Variants in ARHGAP24 observed in about 807,000 individuals in gnomAD.
ARHGAP24 encodes Rho GTPase activating protein 24.
Under a neutral mutation model 76.4 loss-of-function variants are expected in ARHGAP24, and 50 were observed. The ratio of observed to expected loss-of-function variants is 0.65; its 90% confidence interval spans 0.52 to 0.83. ARHGAP24 has a LOEUF of 0.83. Ranked by LOEUF, ARHGAP24 falls within the 40% of genes least tolerant of loss-of-function variation. ARHGAP24 has a pLI of 0.00. For missense variants in ARHGAP24, 930 were observed against 914.2 expected (o/e 1.02, Z -0.22); for synonymous variants, 345 against 323.3 (o/e 1.07, Z -0.72).
chr4:85,841,921 A>G (rs1163681270), intron 3 of ARHGAP24, among the ~76,000 whole-genome samples: 2 of 152,176 alleles, frequency 1.3e-5, no homozygotes, highest in Non-Finnish European at 2.9e-5. Context: ...TGTACCAGCC[A>G]CTGTTCTAAG....
intron 3 of ARHGAP24, chr4:85,722,238 G>A (rs1036999060): frequency 4.8e-6 from 2 of 416,086 alleles, no homozygotes; most frequent in Non-Finnish European, 9.0e-6. Flanking sequence ...TACAGTATTT[G>A]TTCAGGACTA....
chr4:85,900,153 CTA>C (rs1316048742), intron 3 of ARHGAP24, among the ~76,000 whole-genome samples: 1 of 152,128 alleles, frequency 6.6e-6, no homozygotes, highest in African/African-American at 2.4e-5. Context: ...AGATATCTGA[CTA>C]TGTCTACCTG....
intron 1 of ARHGAP24, among the ~76,000 whole-genome samples, chr4:85,476,475 GAAAT>G (rs1255034448): frequency 1.3e-5 from 2 of 151,964 alleles, no homozygotes; most frequent in African/African-American, 4.8e-5. Context: ...TTCTAAAAAG[GAAAT>G]AAATAAATCG....
In ARHGAP24 at chr4:85,611,589, T is replaced by G. The variant is rs1157037266; in HGVS notation, c.180+40868T>G. 3.9e-5 allele frequency among the ~76,000 whole-genome samples: 6 copies of G among 152,376 alleles called. No individual in the cohort carries two copies. The East Asian group carries it at 9.6e-4, about 24-fold the overall frequency. On this transcript the variant is annotated intron_variant, in intron 2 of 9. Coordinates refer to ENST00000395184, the MANE Select transcript of ARHGAP24 (RefSeq NM_001025616.3). ...AGTCAATACTACAAAAATCACTAAC[T>G]CTTTACCTGCACTGTCCGACAGTAG... is the stretch of plus-strand genomic sequence containing the variant.
At chr4:85,983,021 G>T (rs547445373) in intron 8 of ARHGAP24, among the ~76,000 whole-genome samples, 1 of 152,200 alleles carries the variant, frequency 6.6e-6, no homozygotes, top group Non-Finnish European at 1.5e-5. Context: ...ACATGGGGTG[G>T]TTGGTTTTCT....
intron 3 of ARHGAP24, among the ~76,000 whole-genome samples, chr4:85,777,779 G>GTGAATGAA (rs34791496): frequency 9.2e-5 from 14 of 151,600 alleles, no homozygotes; most frequent in South Asian, 2.1e-4. Flanking sequence ...TGTTAAATAA[G>GTGAATGAA]TGAATGAATG....
intron 1 of ARHGAP24, among the ~76,000 whole-genome samples, chr4:85,496,467 C>T (rs912350598): frequency 6.6e-6 from 1 of 152,248 alleles, no homozygotes; most frequent in Non-Finnish European, 1.5e-5. Flanking sequence ...CAACAGCAAA[C>T]AACTCTTCTC....
At chr4:85,624,466 T>C (rs1302993316) in intron 2 of ARHGAP24, among the ~76,000 whole-genome samples, 1 of 152,216 alleles carries the variant, frequency 6.6e-6, no homozygotes, top group Non-Finnish European at 1.5e-5. Context: ...AGCTTTTTGA[T>C]GTGCTGCTGG....
intron 2 of ARHGAP24, among the ~76,000 whole-genome samples, chr4:85,675,718 G>A (rs1722957164): frequency 6.6e-6 from 1 of 152,176 alleles, no homozygotes; most frequent in African/African-American, 2.4e-5. Flanking sequence ...TGTGCGCTTT[G>A]CTTTGCTTGA....
chr4:85,968,275 A>G (rs1278291174), intron 5 of ARHGAP24, among the ~76,000 whole-genome samples: 1 of 152,054 alleles, frequency 6.6e-6, no homozygotes, highest in Non-Finnish European at 1.5e-5. Context: ...ATTGGCCTTC[A>G]GTGAGGCCTT....
intron 3 of ARHGAP24, among the ~76,000 whole-genome samples, chr4:85,729,169 AT>A (rs924920690): frequency 4.7e-5 from 7 of 148,702 alleles, no homozygotes; most frequent in South Asian, 2.1e-4. Flanking sequence ...TGAAGCTTGT[AT>A]TTTTTTTTTG....
chr4:85,730,185 A>T (rs1049637314), intron 3 of ARHGAP24, among the ~76,000 whole-genome samples: 3 of 152,220 alleles, frequency 2.0e-5, no homozygotes, highest in African/African-American at 7.2e-5. Context: ...TTCATTTGGA[A>T]TTCTAGATTC....
intron 3 of ARHGAP24, among the ~76,000 whole-genome samples, chr4:85,762,961 G>C (rs1249488116): frequency 1.3e-5 from 2 of 152,082 alleles, no homozygotes; most frequent in African/African-American, 4.8e-5. Flanking sequence ...TTTAAATTTA[G>C]TGACACAATA....
At chr4:85,678,371 AAAAC>A (rs1477533949) in intron 2 of ARHGAP24, among the ~76,000 whole-genome samples, 1 of 152,236 alleles carries the variant, frequency 6.6e-6, no homozygotes, top group African/African-American at 2.4e-5. Context: ...CTCTGTCTCT[AAAAC>A]AAACAAACAA....
intron 1 of ARHGAP24, among the ~76,000 whole-genome samples, chr4:85,555,534 T>C (rs1366096331): frequency 1.3e-5 from 2 of 152,230 alleles, no homozygotes. Flanking sequence ...TCCTCATGAC[T>C]GCGATATGCT....
intron 8 of ARHGAP24, among the ~76,000 whole-genome samples, chr4:85,982,200 A>C (rs1232160670): frequency 1.3e-5 from 2 of 151,756 alleles, no homozygotes; most frequent in Non-Finnish European, 2.9e-5. Flanking sequence ...TGTTGTTGTT[A>C]TTCTTTAAAC....
intron 3 of ARHGAP24, among the ~76,000 whole-genome samples, chr4:85,870,082 C>T (rs1732438165): frequency 6.6e-6 from 1 of 152,064 alleles, no homozygotes; most frequent in Non-Finnish European, 1.5e-5. Context: ...GCATATAAAG[C>T]TTTTTTAAAA....
At chr4:85,925,287 C>T (rs541170877) in intron 4 of ARHGAP24, among the ~76,000 whole-genome samples, 30 of 152,310 alleles carry the variant, frequency 2.0e-4, no homozygotes, top group East Asian at 9.6e-4. Context: ...AGTACATTTA[C>T]GCTGCACACA....
At chr4:85,491,153 G>A (rs143899747) in intron 1 of ARHGAP24, among the ~76,000 whole-genome samples, 1 of 152,062 alleles carries the variant, frequency 6.6e-6, no homozygotes, top group East Asian at 1.9e-4. Flanking sequence ...ATGACAAAAT[G>A]GTGCATAATA....
Sources: allele counts gnomAD v4.1 joint callset (sites outside exome capture counted in the v4.1 genomes callset), GRCh38; gene constraint gnomAD v4.1.1; transcripts MANE v1.5; gene names NCBI Gene and HGNC (gene_info 2026-07-23, HGNC 2026-07-21).